TREM1: variants seen among roughly 807,000 people sequenced by gnomAD.
TREM1 encodes triggering receptor expressed on monocytes 1.
A neutral mutation model predicts 22.4 loss-of-function variants in TREM1; 16 were observed. The ratio of observed to expected loss-of-function variants is 0.71; its 90% confidence interval spans 0.48 to 1.08. The LOEUF (loss-of-function observed/expected upper bound fraction) is 1.08, where lower values mean the gene tolerates loss of function less well. TREM1 is among the 50% of genes least tolerant of loss of function. The pLI, the probability that TREM1 is intolerant of heterozygous loss-of-function variation, is 0.00. For missense variants in TREM1, 283 were observed against 282.9 expected (o/e 1.00, Z 0.00); for synonymous variants, 110 against 111.6 (o/e 0.99, Z 0.09).
chr6:41,268,359 A>G (rs1767389233), intron 3 of TREM1, among the ~76,000 whole-genome samples: 1 of 152,358 alleles, frequency 6.6e-6, no homozygotes, highest in South Asian at 2.1e-4. Flanking sequence ...TATCCTTATT[A>G]AACTTGATAC....
At chr6:41,278,866 A>G (rs936745687) in intron 3 of TREM1, among the ~76,000 whole-genome samples, 2 of 152,158 alleles carry the variant, frequency 1.3e-5, no homozygotes, top group Admixed American at 1.3e-4. Flanking sequence ...ATGCTGAATC[A>G]TGGAGCAACA....
intron 2 of TREM1, chr6:41,282,070 T>C: frequency 3.5e-6 from 1 of 282,566 alleles, no homozygotes; most frequent in Non-Finnish European, 6.7e-6. Flanking sequence ...CACACAGGCA[T>C]GCCACCAAAC....
chr6:41,281,993 G>A (rs1767941179), intron 2 of TREM1: 1 of 212,900 alleles, frequency 4.7e-6, no homozygotes, highest in South Asian at 8.4e-5. Flanking sequence ...GTTGGAGTGT[G>A]CATTTGAAAT....
intron 3 of TREM1, 97 bp from the exon 4 acceptor site, chr6:41,276,327 GCTTAGATC>G (rs1767670130): frequency 1.2e-6 from 1 of 847,558 alleles, no homozygotes; most frequent in Non-Finnish European, 2.0e-6. Context: ...ACTCTCCTCT[GCTTAGATC>G]CTTGCTCCAC....
chr6:41,283,709 TAAAAAA>T (rs545773140), intron 1 of TREM1, among the ~76,000 whole-genome samples: 1 of 148,830 alleles, frequency 6.7e-6, no homozygotes, highest in African/African-American at 2.5e-5. Flanking sequence ...AAGACTCTGT[TAAAAAA>T]AAAAACACAC....
intron 3 of TREM1, chr6:41,279,391 A>G (rs1184110394): frequency 8.4e-6 from 3 of 356,074 alleles, no homozygotes; most frequent in Admixed American, 6.4e-5. Context: ...GTCTTCTCCA[A>G]TACTTTGATT....
At position 41,282,568 on chromosome 6, in the gene TREM1, T is replaced by C. The variant is rs1436403472; in HGVS notation, c.233A>G (p.His78Arg). ...TATGATCCTCCCCACTTGGACTGGA[T>C]GGGAATTCTTTGAAGGCCTCTCTGT... Reference protein sequence around the residue: ...ACTERPSKNSHPVQVGRIILE... With the variant: ...ACTERPSKNSRPVQVGRIILE... The change falls in exon 2 of 4, where the codon CAT becomes CGT. Residue 78 changes from histidine (H) to arginine (R), a missense_variant. His to Arg is a conservative substitution (Grantham distance 29, BLOSUM62 0). Coordinates refer to ENST00000244709, the MANE Select transcript of TREM1 (RefSeq NM_018643.5). 7 of 1,614,038 alleles carry C rather than the reference T, an allele frequency of 4.3e-6. No homozygotes were observed. Among genetic ancestry groups the C allele is most frequent in the Non-Finnish European group, 5.9e-6 (7 of 1,180,020 alleles).
intron 3 of TREM1, among the ~76,000 whole-genome samples, chr6:41,277,067 T>C (rs1409570279): frequency 8.5e-6 from 1 of 118,150 alleles, no homozygotes; most frequent in South Asian, 2.4e-4. Flanking sequence ...AACATTTAAA[T>C]AAAATAAAAA....
intron 3 of TREM1, chr6:41,280,661 C>T (rs758473835): frequency 2.1e-6 from 3 of 1,401,582 alleles, no homozygotes; most frequent in Non-Finnish European, 2.8e-6. Flanking sequence ...CATCAGGCCC[C>T]TGGGGTTGGA....
chr6:41,286,681 C>T lies in TREM1; in HGVS notation c.-26G>A, dbSNP rs767911955. ...CCTTCCTGTGCACCAGCTCCAACTGCTGCTGAGGGCTCCCGGGACAGCTAC... is the reference window on the plus strand; with the variant it reads ...CCTTCCTGTGCACCAGCTCCAACTGTTGCTGAGGGCTCCCGGGACAGCTAC... On this transcript the variant is annotated 5_prime_UTR_variant, in exon 1 of 4. Coordinates refer to ENST00000244709, the MANE Select transcript of TREM1 (RefSeq NM_018643.5). 2 of 1,613,790 alleles carry T rather than the reference C, an allele frequency of 1.2e-6. No individual in the cohort carries two copies. Among genetic ancestry groups the T allele is most frequent in the South Asian group, 2.2e-5 (2 of 91,046 alleles).
chr6:41,281,934 T>C (rs1767938368), intron 2 of TREM1: 1 of 165,196 alleles, frequency 6.1e-6, no homozygotes, highest in African/African-American at 2.4e-5. Context: ...CCATCAGCAT[T>C]GGCATCACCT....
chr6:41,280,081 G>T, intron 3 of TREM1: 1 of 952,188 alleles, frequency 1.1e-6, no homozygotes, highest in Non-Finnish European at 1.3e-6. Flanking sequence ...TTTCAGCAAG[G>T]AAAAGAATAA....
intron 3 of TREM1, chr6:41,279,474 T>G: frequency 1.0e-6 from 1 of 961,664 alleles, no homozygotes; most frequent in Non-Finnish European, 1.2e-6. Context: ...GGGCAAAGAT[T>G]ATGTTCTCTT....
intron 2 of TREM1, 139 bp downstream of exon 2, chr6:41,282,256 G>T: frequency 1.5e-6 from 1 of 688,682 alleles, no homozygotes; most frequent in East Asian, 2.5e-5. Context: ...ACTTACTACT[G>T]GACCTTAGAT....
At chr6:41,285,193 C>T (rs1034238193) in intron 1 of TREM1, among the ~76,000 whole-genome samples, 4 of 152,176 alleles carry the variant, frequency 2.6e-5, no homozygotes, top group African/African-American at 9.7e-5. Flanking sequence ...GCCTGTCTCT[C>T]ACAGAAGGAA....
At position 41,276,180 on chromosome 6, in the gene TREM1, T is replaced by C. The variant is rs746740233; in HGVS notation, c.650A>G (p.Lys217Arg). The C allele has an allele frequency of 6.2e-7, 1 of 1,614,122 alleles. No homozygotes were observed. The highest frequency in any genetic ancestry group is 8.5e-7 in the Non-Finnish European group (1 of 1,180,014). Reference sequence around the variant, plus strand: ...AAACAGGACAGAGAAGACCAGGCTCTTACTCAGGAATCCACCAGCCAGGAG... The same window carrying C: ...AAACAGGACAGAGAAGACCAGGCTCCTACTCAGGAATCCACCAGCCAGGAG... ...VILLAGGFLSKSLVFSVLFAV... is the reference protein window; with the variant it reads ...VILLAGGFLSRSLVFSVLFAV... The change falls in exon 4 of 4, where the codon AAG becomes AGG. Residue 217 changes from lysine to arginine, a missense_variant. Lys to Arg is a conservative substitution (Grantham distance 26). Coordinates refer to ENST00000244709, the MANE Select transcript of TREM1 (RefSeq NM_018643.5).
At chr6:41,281,387 GA>G (rs1767915067) in intron 2 of TREM1, 1 of 516,878 alleles carries the variant, frequency 1.9e-6, no homozygotes, top group Admixed American at 3.7e-5. Context: ...TCGAAAAAAG[GA>G]AAGAAGAAAA....
chr6:41,286,523 T>A, intron 1 of TREM1, 84 bp downstream of exon 1: 1 of 1,493,276 alleles, frequency 6.7e-7, no homozygotes, highest in Non-Finnish European at 9.3e-7. Context: ...TGGATGGCCC[T>A]GTGCTCTGAA....
chr6:41,271,473 A>T (rs1258464063), downstream of TREM1, among the ~76,000 whole-genome samples: 1 of 152,176 alleles, frequency 6.6e-6, no homozygotes, highest in African/African-American at 2.4e-5. Context: ...GTGCCCTGCT[A>T]GAGTGACTTC....
Sources: allele counts gnomAD v4.1 joint callset (sites outside exome capture counted in the v4.1 genomes callset), GRCh38; gene constraint gnomAD v4.1.1; transcripts MANE v1.5; gene names NCBI Gene and HGNC (gene_info 2026-07-23, HGNC 2026-07-21).